The following DCDC2 variants were observed in gnomAD, a reference collection of about 807,000 sequenced individuals.
DCDC2 encodes doublecortin domain containing 2.
Under a neutral mutation model 50.2 loss-of-function variants are expected in DCDC2, and 40 were observed. That is an observed-to-expected ratio of 0.80 (90% CI 0.62 to 1.04). DCDC2 has a LOEUF of 1.04. Among genes scored for constraint, DCDC2 ranks in the 50% least tolerant of loss-of-function variants. DCDC2 has a pLI of 0.00. For synonymous variants in DCDC2, 234 were observed against 210.6 expected (o/e 1.11, Z -0.96); for missense variants, 570 against 581.9 (o/e 0.98, Z 0.21).
chr6:24,310,010 G>C (rs1341994370), intron 2 of DCDC2, among the ~76,000 whole-genome samples: 1 of 151,882 alleles, frequency 6.6e-6, no homozygotes, highest in Non-Finnish European at 1.5e-5. Context: ...GATATGGGTA[G>C]GTTAAAACTA....
chr6:24,312,530 G>A (rs553876057), intron 2 of DCDC2, among the ~76,000 whole-genome samples: 20 of 152,100 alleles, frequency 1.3e-4, no homozygotes, highest in Middle Eastern at 3.4e-3. Context: ...TAATTATAAC[G>A]AACAAGCTGT....
chr6:24,323,457 G>A (rs574131766), intron 2 of DCDC2, among the ~76,000 whole-genome samples: 7 of 152,154 alleles, frequency 4.6e-5, no homozygotes, highest in Admixed American at 3.3e-4. Flanking sequence ...CAATTTTAAT[G>A]TTCTAGTGTT....
intron 7 of DCDC2, among the ~76,000 whole-genome samples, chr6:24,257,048 T>C (rs1762910947): frequency 6.6e-6 from 1 of 152,210 alleles, no homozygotes; most frequent in Admixed American, 6.5e-5. Context: ...TAAATGGTCT[T>C]TTCTCTAACC....
chr6:24,337,423 A>G (rs1373247903), intron 2 of DCDC2, among the ~76,000 whole-genome samples: 1 of 149,428 alleles, frequency 6.7e-6, no homozygotes, highest in African/African-American at 2.4e-5. Flanking sequence ...TGCAAAGCCA[A>G]AAAAAAAAAT....
At chr6:24,372,958 C>T in the DCDC2 span, among the ~76,000 whole-genome samples, 6 of 152,066 alleles carry the variant, frequency 3.9e-5, no homozygotes, top group African/African-American at 1.4e-4. Context: ...TTTGAATAGG[C>T]TCTTAACAAA....
At chr6:24,266,263 C>T (rs1230592991) in intron 7 of DCDC2, among the ~76,000 whole-genome samples, 2 of 152,204 alleles carry the variant, frequency 1.3e-5, no homozygotes, top group East Asian at 3.9e-4. Flanking sequence ...ATTGGGGAAA[C>T]TCCCAGGACA....
intron 6 of DCDC2, among the ~76,000 whole-genome samples, chr6:24,281,487 GAAAAAAA>G (rs59842458): frequency 6.8e-4 from 57 of 83,738 alleles, no homozygotes; most frequent in Middle Eastern, 9.3e-3. Flanking sequence ...ATGCTTTTAA[GAAAAAAA>G]AAAAAAAAAA....
chr6:24,289,988 T>TCC (rs1763706823), intron 5 of DCDC2, among the ~76,000 whole-genome samples: 1 of 74,208 alleles, frequency 1.3e-5, no homozygotes, highest in African/African-American at 5.5e-5. Flanking sequence ...TTTTTTTTTT[T>TCC]TTTTTTTTTT....
intron 4 of DCDC2, among the ~76,000 whole-genome samples, chr6:24,291,293 G>T (rs1024126123): frequency 1.3e-5 from 2 of 152,088 alleles, no homozygotes; most frequent in Non-Finnish European, 2.9e-5. Flanking sequence ...TTATAATGCA[G>T]ATACAATGAC....
At chr6:24,324,457 G>A (rs909253645) in intron 2 of DCDC2, among the ~76,000 whole-genome samples, 1 of 152,226 alleles carries the variant, frequency 6.6e-6, no homozygotes, top group Admixed American at 6.5e-5. Flanking sequence ...AGTTGTTTAT[G>A]ATACTGAGTG....
chr6:24,182,915 A>G (rs773285681), intron 8 of DCDC2, among the ~76,000 whole-genome samples: 10 of 152,272 alleles, frequency 6.6e-5, no homozygotes, highest in Non-Finnish European at 1.5e-4. Flanking sequence ...GTGTTCATCA[A>G]AAGATGAGTG....
At chr6:24,261,204 CT>C (rs10694761) in intron 7 of DCDC2, among the ~76,000 whole-genome samples, 1,404 of 135,710 alleles carry the variant, frequency 0.01, 11 homozygotes, top group African/African-American at 0.029. Context: ...CATTTTCTTG[CT>C]TTTTTTTTTT....
At chr6:24,361,656 C>A (rs1166704568), upstream of DCDC2, among the ~76,000 whole-genome samples, 2 of 152,070 alleles carry the variant, frequency 1.3e-5, no homozygotes, top group Non-Finnish European at 2.9e-5. Flanking sequence ...CCCAAACAAC[C>A]TAAAATTCCC....
At chr6:24,301,119 C>T (rs1452148822) in intron 4 of DCDC2, among the ~76,000 whole-genome samples, 1 of 151,274 alleles carries the variant, frequency 6.6e-6, no homozygotes, top group Non-Finnish European at 1.5e-5. Context: ...AGCCTGTAAT[C>T]CCAGGACTTT....
intron 2 of DCDC2, among the ~76,000 whole-genome samples, chr6:24,352,718 T>C (rs1392037279): frequency 1.3e-5 from 2 of 152,038 alleles, no homozygotes; most frequent in Non-Finnish European, 2.9e-5. Context: ...TTGAGGAGAG[T>C]CCCTCTGGGG....
At chr6:24,248,833 A>T (rs1222004685) in intron 7 of DCDC2, among the ~76,000 whole-genome samples, 1 of 152,210 alleles carries the variant, frequency 6.6e-6, no homozygotes, top group East Asian at 1.9e-4. Context: ...ATGGAGCTCA[A>T]TAGGGAATCA....
At chr6:24,334,230 AC>A (rs1219104657) in intron 2 of DCDC2, among the ~76,000 whole-genome samples, 1 of 152,232 alleles carries the variant, frequency 6.6e-6, no homozygotes, top group Non-Finnish European at 1.5e-5. Flanking sequence ...AATGAAAAAA[AC>A]AAAGGTATTG....
At chr6:24,194,184 T>G (rs536228234) in intron 8 of DCDC2, among the ~76,000 whole-genome samples, 298 of 152,090 alleles carry the variant, frequency 2.0e-3, no homozygotes, top group Middle Eastern at 0.014. Context: ...TGAGGAGGGG[T>G]GTGGCAAATG....
rs750273394 is a variant in DCDC2, at chr6:24,301,972, T to G, written c.421A>C (p.Ile141Leu). The change falls in exon 3 of 10, where the codon ATC becomes CTC. Residue 141 changes from isoleucine (I) to leucine (L), a missense_variant. Transcript: ENST00000378454. ...FRKPLQEPCT[I>L]FLIANGDLIN... ...GTATAAAGGGTTTCAACTTACAAGATAGTGCACGGCTCCTGAAGCGGTTTT... is the reference window on the plus strand; with the variant it reads ...GTATAAAGGGTTTCAACTTACAAGAGAGTGCACGGCTCCTGAAGCGGTTTT... The G allele has an allele frequency of 6.2e-7, 1 of 1,613,996 alleles. No individual in the cohort carries two copies. Among genetic ancestry groups the G allele is most frequent in the South Asian group, 1.1e-5 (1 of 91,066 alleles).
Sources: gnomAD v4.1 joint callset for allele counts (sites outside exome capture counted in the v4.1 genomes callset) on GRCh38, gnomAD v4.1.1 for gene constraint, MANE v1.5 for transcripts, NCBI Gene and HGNC (gene_info 2026-07-23, HGNC 2026-07-21) for gene names.